Variants in DST observed in about 807,000 individuals in gnomAD.
DST encodes the protein dystonin.
A neutral mutation model predicts 875.2 loss-of-function variants in DST; 253 were observed. The ratio of observed to expected loss-of-function variants is 0.29; its 90% confidence interval spans 0.26 to 0.32. The LOEUF (loss-of-function observed/expected upper bound fraction) is 0.32, where lower values mean the gene tolerates loss of function less well. DST is among the 10% of genes least tolerant of loss of function. The probability of loss-of-function intolerance (pLI) is 1.00; values close to 1 mark genes in which losing one functional copy is unlikely to be tolerated. For synonymous variants in DST, 3,124 were observed against 3,197.1 expected, an observed-to-expected ratio of 0.98 and a Z score of 0.77; for missense variants, 8,287 against 9,111.6, an observed-to-expected ratio of 0.91 and a Z score of 3.68.
At chr6:56,767,613 TCAAATAAA>T (rs897212424) in intron 4 of DST, among the ~76,000 whole-genome samples, 42 of 116,592 alleles carry the variant, frequency 3.6e-4, no homozygotes, top group African/African-American at 1.3e-3. Flanking sequence ...AGACCCTGTC[TCAAATAAA>T]TAAATAAATA....
intron 1 of DST, 123 bp from the exon 2 acceptor site, chr6:56,953,942 G>A (rs762184686): frequency 2.5e-4 from 128 of 513,466 alleles, no homozygotes; most frequent in Non-Finnish European, 3.6e-4. Flanking sequence ...GGAATTCGGT[G>A]GGACATCCTG....
chr6:56,934,909 C>T (rs1384776955), intron 2 of DST, among the ~76,000 whole-genome samples: 1 of 152,012 alleles, frequency 6.6e-6, no homozygotes, highest in African/African-American at 2.4e-5. Flanking sequence ...AAAGAGTTTA[C>T]TAGTGTTTCT....
intron 5 of DST, among the ~76,000 whole-genome samples, chr6:56,720,885 G>C (rs1327582341): frequency 6.6e-6 from 1 of 152,188 alleles, no homozygotes; most frequent in African/African-American, 2.4e-5. Context: ...CCCAGACAGG[G>C]TGGCGGCCGG....
intron 36 of DST, chr6:56,619,598 T>C: frequency 6.2e-7 from 1 of 1,614,028 alleles, no homozygotes; most frequent in South Asian, 1.1e-5. Flanking sequence ...TTTCCCTTTT[T>C]CATGATTAAG....
In DST at chr6:56,497,606, C is replaced by T. The variant is rs1275917811; in HGVS notation, c.20095-99G>A. The stretch of plus-strand genomic sequence containing the variant: ...TCCCAGCCTGCTAAGCCTCTCTATG[C>T]ATTCTTAAGAACAGCCAGGTACCAT... On this transcript the variant is annotated intron_variant, in intron 81 of 103. Coordinates refer to ENST00000680361, the MANE Select transcript of DST (RefSeq NM_001374736.1). 8.4e-6 allele frequency: 12 copies of T among 1,429,316 alleles called. No homozygotes were observed. In the Admixed American group the frequency reaches 2.5e-4, roughly 30 times the overall value. 88.5% of individuals were successfully genotyped at this position (1,429,316 alleles called of 1,614,324 possible).
chr6:56,918,089 C>G lies in DST; in HGVS notation c.217-17468G>C, dbSNP rs182507729. Among the ~76,000 whole-genome samples, 577 of 150,228 alleles carry G rather than the reference C, an allele frequency of 3.8e-3. 2 individuals are homozygous for G. The highest frequency in any genetic ancestry group is 5.6e-3 in the Non-Finnish European group (380 of 67,554). On this transcript the variant is annotated intron_variant, in intron 2 of 103. Transcript: ENST00000680361. ...TTATATATATGTTTTCTACATTGCT[C>G]TTTTTATGACATTTCAGGTTCAGGT...
At chr6:56,884,827 C>A (rs1783889287) in intron 3 of DST, among the ~76,000 whole-genome samples, 1 of 152,090 alleles carries the variant, frequency 6.6e-6, no homozygotes, top group East Asian at 1.9e-4. Context: ...CTCCCAGGTT[C>A]ACACCATTCT....
chr6:56,866,079 T>C (rs999851347), intron 3 of DST, among the ~76,000 whole-genome samples: 4 of 151,882 alleles, frequency 2.6e-5, no homozygotes, highest in African/African-American at 9.7e-5. Context: ...CTGCAACCTC[T>C]GCCTCCTGGG....
chr6:56,680,992 G>A (rs1315057843), intron 9 of DST, among the ~76,000 whole-genome samples: 3 of 152,140 alleles, frequency 2.0e-5, no homozygotes, highest in African/African-American at 4.8e-5. Context: ...GAGACATAAA[G>A]TAATAATATG....
At chr6:56,934,030 T>C (rs562229556) in intron 2 of DST, among the ~76,000 whole-genome samples, 3 of 152,130 alleles carry the variant, frequency 2.0e-5, no homozygotes, top group African/African-American at 4.8e-5. Flanking sequence ...TATATACATA[T>C]ATATATTTTT....
chr6:56,630,128 T>C (rs1049748208), intron 31 of DST, 117 bp downstream of exon 31: 1 of 784,674 alleles, frequency 1.3e-6, no homozygotes, highest in African/African-American at 1.7e-5. Flanking sequence ...GAGACACAAA[T>C]GGAATAAATC....
At chr6:56,614,757 C>G in intron 36 of DST, 2 of 1,058,254 alleles carry the variant, frequency 1.9e-6, no homozygotes, top group Non-Finnish European at 2.3e-6. Context: ...TTTTAAATCT[C>G]AACTTTATTC....
At chr6:56,733,176 G>A (rs1411866998) in intron 5 of DST, among the ~76,000 whole-genome samples, 2 of 152,134 alleles carry the variant, frequency 1.3e-5, no homozygotes, top group Non-Finnish European at 2.9e-5. Flanking sequence ...GGCAAGGAGA[G>A]CACAGCTACA....
rs762349901 is a variant in DST at position 56,592,272 on chromosome 6, G to C, written c.12813C>G (p.Leu4271=). The C allele has an allele frequency of 8.7e-6, 14 of 1,612,518 alleles. No individual in the cohort carries two copies. In the South Asian group the frequency reaches 1.2e-4, roughly 14 times the overall value. The change falls in exon 49 of 104, where the codon CTC becomes CTG. Residue 4271 remains leucine (L), a synonymous_variant. Coordinates refer to ENST00000680361, the MANE Select transcript of DST (RefSeq NM_001374736.1). The part of the protein sequence containing the change: ...EDASCGLLAG[L]QACEATASKH... The stretch of plus-strand genomic sequence containing the variant: ...TGCTCGCTGTGGCCTCACAGGCCTG[G>C]AGTCCAGCAAGAAGTCCACATGAAG...
chr6:56,768,361 A>G (rs781514852), intron 4 of DST, among the ~76,000 whole-genome samples: 20 of 152,220 alleles, frequency 1.3e-4, no homozygotes, highest in Admixed American at 5.9e-4. Context: ...CCAAAGGAAC[A>G]TAACAGAGGG....
chr6:56,533,428 A>G (rs1231468915), intron 63 of DST, among the ~76,000 whole-genome samples: 1 of 152,196 alleles, frequency 6.6e-6, no homozygotes, highest in East Asian at 1.9e-4. Flanking sequence ...AGTTACCCAG[A>G]AGTAAAAAGC....
chr6:56,884,028 G>A (rs1783433175), intron 3 of DST, among the ~76,000 whole-genome samples: 1 of 152,042 alleles, frequency 6.6e-6, no homozygotes, highest in African/African-American at 2.4e-5. Context: ...CTTCTCAGGA[G>A]ACAGAGGCAG....
chr6:56,623,434 G>A (rs2098707733), intron 36 of DST, among the ~76,000 whole-genome samples: 1 of 151,962 alleles, frequency 6.6e-6, no homozygotes, highest in Non-Finnish European at 1.5e-5. Context: ...CATTTAAGAT[G>A]GTCACAAATA....
rs746655925 is a variant in DST, at chr6:56,608,088, C to T, written c.6540G>A (p.Glu2180=). Residue 2180 remains glutamate (E), a synonymous_variant, in exon 40 of 104, where the codon GAG becomes GAA. Transcript: ENST00000680361. ...PSTVHDYRQE[E]DVFDGEEPVT... ...CAGGTTCTTCTCCATCAAAAACATCCTCTTCTTGTCTGTAATCATGAACTG... is the reference window on the plus strand; with the variant it reads ...CAGGTTCTTCTCCATCAAAAACATCTTCTTCTTGTCTGTAATCATGAACTG... 2 of 1,613,666 alleles carry T rather than the reference C, an allele frequency of 1.2e-6. No individual in the cohort carries two copies. The highest frequency in any genetic ancestry group is 2.2e-5 in the South Asian group (2 of 91,060).
Sources: gnomAD v4.1 joint callset for allele counts (sites outside exome capture counted in the v4.1 genomes callset) on GRCh38, gnomAD v4.1.1 for gene constraint, MANE v1.5 for transcripts, NCBI Gene and HGNC (gene_info 2026-07-23, HGNC 2026-07-21) for gene names.